The following FBXO15 variants were observed in gnomAD, a reference collection of about 807,000 sequenced individuals.
The protein encoded by FBXO15 is F-box protein 15, also known as F-box only protein 15.
In FBXO15, 30 loss-of-function variants were observed where a neutral mutation model predicts 49.5. That is an observed-to-expected ratio of 0.61 (90% confidence interval 0.45 to 0.82). FBXO15 has a LOEUF of 0.82. Ranked by LOEUF, FBXO15 falls within the 40% of genes least tolerant of loss-of-function variation. The pLI is 0.00. For missense variants in FBXO15, 591 were observed against 631.5 expected, an observed-to-expected ratio of 0.94 and a Z score of 0.69; for synonymous variants, 250 against 232.7, an observed-to-expected ratio of 1.07 and a Z score of -0.68.
chr18:74,083,492 C>T (rs1912593013), intron 8 of FBXO15, among the ~76,000 whole-genome samples: 1 of 152,222 alleles, frequency 6.6e-6, no homozygotes, highest in East Asian at 1.9e-4. Flanking sequence ...CTGACTGGTG[C>T]GGCAAAGGCA....
In FBXO15 at chr18:74,081,910, A is replaced by C; in HGVS notation, c.1263+17T>G. 1 of 1,548,646 alleles carries C rather than the reference A, an allele frequency of 6.5e-7. No homozygotes were observed. The highest frequency in any genetic ancestry group is 8.6e-7 in the Non-Finnish European group (1 of 1,159,202). On this transcript the variant is annotated intron_variant, in intron 9 of 9. Coordinates refer to ENST00000419743, the MANE Select transcript of FBXO15 (RefSeq NM_001142958.2). Reference sequence around the variant, plus strand: ...AAATCAAGTTACTTGAAGAAAAGAAAACGGTTCTGTTTTTACCTTTATACA... The same window carrying C: ...AAATCAAGTTACTTGAAGAAAAGAACACGGTTCTGTTTTTACCTTTATACA...
chr18:74,086,315 C>T (rs1357194854), intron 8 of FBXO15, among the ~76,000 whole-genome samples: 1 of 152,214 alleles, frequency 6.6e-6, no homozygotes, highest in Non-Finnish European at 1.5e-5. Flanking sequence ...ACCTGCACTT[C>T]TCAGGTTCTG....
chr18:74,090,545 C>T (rs1912978874), intron 8 of FBXO15, among the ~76,000 whole-genome samples: 1 of 152,096 alleles, frequency 6.6e-6, no homozygotes, highest in South Asian at 2.1e-4. Context: ...GTGTTTAGTG[C>T]TATAAACTTC....
intron 8 of FBXO15, among the ~76,000 whole-genome samples, chr18:74,105,141 A>C (rs2145152517): frequency 6.6e-6 from 1 of 152,268 alleles, no homozygotes; most frequent in South Asian, 2.1e-4. Flanking sequence ...AGAGTAGACT[A>C]GTCATTACTG....
intron 8 of FBXO15, among the ~76,000 whole-genome samples, chr18:74,103,681 A>G (rs771630346): frequency 7.2e-5 from 11 of 152,188 alleles, no homozygotes; most frequent in African/African-American, 2.4e-4. Context: ...AGATTTCTCA[A>G]TAGAAACCAT....
chr18:74,120,173 T>C (rs17088786), intron 8 of FBXO15, among the ~76,000 whole-genome samples: 13,537 of 152,194 alleles, frequency 0.089, 1,118 homozygotes, highest in African/African-American at 0.22. Flanking sequence ...CCAGTGTTCA[T>C]GAATATAACA....
In FBXO15 at chr18:74,143,433, G is replaced by A. The variant is rs140979022; in HGVS notation, c.117-3121C>T. 9.9e-4 allele frequency among the ~76,000 whole-genome samples: 150 copies of A among 152,232 alleles called. 1 individual carries two copies. The East Asian group carries it at 0.022, about 22-fold the overall frequency. ...AAACAGGCATCCTCATTTACTGCCCGTAAGACAAGATACAGTGGTACAAAC... is the reference window on the plus strand; with the variant it reads ...AAACAGGCATCCTCATTTACTGCCCATAAGACAAGATACAGTGGTACAAAC... On this transcript the variant is annotated intron_variant, in intron 1 of 9. Transcript: ENST00000419743.
intron 3 of FBXO15, among the ~76,000 whole-genome samples, chr18:74,131,507 A>G (rs1245141326): frequency 6.6e-6 from 1 of 152,218 alleles, no homozygotes; most frequent in African/African-American, 2.4e-5. Flanking sequence ...CAGAGAGCCA[A>G]TAAGCCTCAA....
At chr18:74,130,752 C>A in intron 3 of FBXO15, 94 bp from the exon 4 acceptor site, 1 of 1,346,454 alleles carries the variant, frequency 7.4e-7, no homozygotes, top group Non-Finnish European at 1.0e-6. Flanking sequence ...TTCAAATAAT[C>A]CAATTCCATG....
At chr18:74,083,676 C>A (rs1052225523) in intron 8 of FBXO15, among the ~76,000 whole-genome samples, 1 of 152,180 alleles carries the variant, frequency 6.6e-6, no homozygotes, top group African/African-American at 2.4e-5. Flanking sequence ...TTTGTTATTA[C>A]CAGGTATTCT....
Position 74,092,670 on chromosome 18 carries a change from G to A in FBXO15, c.1139-10619C>T, listed in dbSNP as rs907753753. ...CCAACGCTCAGCTCAGCACCCCTAGGCTGCATGTTTTAACTCTGGAAGACT... is the reference window on the plus strand; with the variant it reads ...CCAACGCTCAGCTCAGCACCCCTAGACTGCATGTTTTAACTCTGGAAGACT... On this transcript the variant is annotated intron_variant, in intron 8 of 9. Coordinates refer to ENST00000419743, the MANE Select transcript of FBXO15 (RefSeq NM_001142958.2). Among the ~76,000 whole-genome samples, 3 of 152,246 alleles carry A rather than the reference G, an allele frequency of 2.0e-5. No individual in the cohort carries two copies. The South Asian group carries it at 6.2e-4, about 32-fold the overall frequency.
intron 8 of FBXO15, among the ~76,000 whole-genome samples, chr18:74,090,907 A>ATGGC: frequency 6.6e-6 from 1 of 152,110 alleles, no homozygotes. Flanking sequence ...TGTTCTGTAC[A>ATGGC]TGGCTATTTG....
chr18:74,141,862 C>T (rs1030564956), intron 1 of FBXO15, among the ~76,000 whole-genome samples: 3 of 152,168 alleles, frequency 2.0e-5, no homozygotes, highest in African/African-American at 7.2e-5. Flanking sequence ...TGCCCTGCTT[C>T]CCAGGCACAA....
At chr18:74,093,831 T>C (rs565276973) in intron 8 of FBXO15, among the ~76,000 whole-genome samples, 16 of 152,346 alleles carry the variant, frequency 1.1e-4, no homozygotes, top group African/African-American at 3.6e-4. Context: ...TAATGGCATC[T>C]AGAATAGTGA....
chr18:74,140,886 TA>T (rs940812502), intron 1 of FBXO15: 3 of 152,222 alleles, frequency 2.0e-5, no homozygotes, highest in Non-Finnish European at 4.4e-5. Flanking sequence ...AAGTTTTTTT[TA>T]AAAAACTTAC....
chr18:74,073,496 C>T lies in FBXO15; in HGVS notation c.1498G>A (p.Ala500Thr), dbSNP rs748658162. 6.2e-6 allele frequency: 10 copies of T among 1,613,666 alleles called. No individual in the cohort carries two copies. The highest frequency in any genetic ancestry group is 3.3e-5 in the Admixed American group (2 of 59,954). The change falls in exon 10 of 10, where the codon GCA (alanine) becomes ACA (threonine). Residue 500 changes from alanine to threonine, a missense_variant. Coordinates refer to ENST00000419743, the MANE Select transcript of FBXO15 (RefSeq NM_001142958.2). The part of the protein sequence containing the change: ...IVNLVLYLSI[A>T]KINHWFGTEY ...GTCCCAAACCAATGGTTGATTTTTG[C>T]GATACTAAGATAAAGGACCAGGTTG...
At chr18:74,102,820 C>A (rs1162965053) in intron 8 of FBXO15, among the ~76,000 whole-genome samples, 2 of 152,062 alleles carry the variant, frequency 1.3e-5, no homozygotes, top group South Asian at 2.1e-4. Flanking sequence ...CTGGATGGGA[C>A]TGGAGACTAT....
At chr18:74,121,342 A>G (rs1914458322) in intron 8 of FBXO15, among the ~76,000 whole-genome samples, 1 of 152,222 alleles carries the variant, frequency 6.6e-6, no homozygotes, top group South Asian at 2.1e-4. Context: ...AAACAGCTGG[A>G]AGATAAAACG....
At chr18:74,081,009 A>G (rs1417410848) in intron 9 of FBXO15, among the ~76,000 whole-genome samples, 1 of 152,242 alleles carries the variant, frequency 6.6e-6, no homozygotes, top group Non-Finnish European at 1.5e-5. Context: ...GAAAGAAGGT[A>G]GGTCTGTGCT....
Sources: gnomAD v4.1 joint callset for allele counts (sites outside exome capture counted in the v4.1 genomes callset) on GRCh38, gnomAD v4.1.1 for gene constraint, MANE v1.5 for transcripts, NCBI Gene and HGNC (gene_info 2026-07-23, HGNC 2026-07-21) for gene names.